Variants in PCLO observed in about 807,000 individuals in gnomAD.
PCLO encodes protein piccolo.
Under a neutral mutation model 427.5 loss-of-function variants are expected in PCLO, and 82 were observed. The ratio of observed to expected loss-of-function variants is 0.19; its 90% CI spans 0.16 to 0.23. The LOEUF is 0.23. Ranked by LOEUF, PCLO falls within the 10% of genes least tolerant of loss-of-function variation. PCLO has a pLI of 1.00. For synonymous variants in PCLO, 2,357 were observed against 2,155.4 expected (o/e 1.09, Z -2.59); for missense variants, 6,239 against 6,115.9 (o/e 1.02, Z -0.67).
chr7:83,102,364 A>G (rs2116491819), intron 3 of PCLO, among the ~76,000 whole-genome samples: 1 of 152,124 alleles, frequency 6.6e-6, no homozygotes, highest in Admixed American at 6.5e-5. Context: ...AACCCAATGC[A>G]GATTATATAA....
chr7:82,956,661 T>G lies in PCLO; in HGVS notation c.4292A>C (p.Lys1431Thr), dbSNP rs2115579055. 6.2e-7 allele frequency: 1 copy of G among 1,613,934 alleles called. No individual in the cohort carries two copies. The highest frequency in any genetic ancestry group is 2.2e-5 in the East Asian group (1 of 44,882). The change falls in exon 5 of 25, where the codon AAG becomes ACG. Residue 1431 changes from lysine (K) to threonine (T), a missense_variant. By Grantham distance (78) the Lys-to-Thr change is moderately conservative. Around this residue, in one of 5 missense-constraint regions of PCLO, gnomAD observed 4,677 missense variants for 4,468.4 expected, o/e 1.05. Transcript: ENST00000333891. ...ATGGGGTTGTGTTTTCTTTTCTGAC[T>G]TTTCATCAGCAAGTGTACTTGCTTG... ...EAQASTLADE[K>T]SEKKTQPHEV...
chr7:82,858,598 G>A (rs181570635), intron 10 of PCLO, among the ~76,000 whole-genome samples: 20 of 152,160 alleles, frequency 1.3e-4, no homozygotes, highest in African/African-American at 3.6e-4. Context: ...AACAAATTCA[G>A]TAAAGTTACA....
chr7:83,068,994 T>C (rs1334790289), intron 3 of PCLO, among the ~76,000 whole-genome samples: 1 of 152,204 alleles, frequency 6.6e-6, no homozygotes, highest in Non-Finnish European at 1.5e-5. Flanking sequence ...CTCACTTATA[T>C]GTGGAATTTA....
At chr7:82,931,467 T>C (rs1794838933) in intron 6 of PCLO, among the ~76,000 whole-genome samples, 2 of 152,132 alleles carry the variant, frequency 1.3e-5, no homozygotes, top group South Asian at 4.1e-4. Context: ...TGTGTCCTCT[T>C]GCTCATGGTT....
chr7:82,927,609 C>T (rs1041195065), intron 6 of PCLO, among the ~76,000 whole-genome samples: 5 of 152,074 alleles, frequency 3.3e-5, no homozygotes, highest in African/African-American at 7.2e-5. Flanking sequence ...TTTCAAGGAT[C>T]GGGTGAAAGC....
intron 3 of PCLO, among the ~76,000 whole-genome samples, chr7:83,079,564 G>A (rs1790042821): frequency 6.6e-6 from 1 of 151,980 alleles, no homozygotes; most frequent in Non-Finnish European, 1.5e-5. Flanking sequence ...ACTGGTTTCT[G>A]GAGGCCTCAT....
intron 3 of PCLO, among the ~76,000 whole-genome samples, chr7:83,002,942 T>C (rs1343889629): frequency 2.0e-5 from 3 of 151,690 alleles, no homozygotes; most frequent in Non-Finnish European, 2.9e-5. Context: ...AAATATTTTG[T>C]CTTATGTACT....
At chr7:83,111,507 G>C (rs997638752) in intron 3 of PCLO, among the ~76,000 whole-genome samples, 2 of 152,194 alleles carry the variant, frequency 1.3e-5, no homozygotes, top group Non-Finnish European at 2.9e-5. Flanking sequence ...TTTCATGACT[G>C]GCTTTGAAGG....
chr7:83,042,526 C>G (rs1450067067), intron 3 of PCLO, among the ~76,000 whole-genome samples: 1 of 151,882 alleles, frequency 6.6e-6, no homozygotes, highest in East Asian at 1.9e-4. Flanking sequence ...ACTTCATAAA[C>G]AAGGAAATTA....
intron 3 of PCLO, among the ~76,000 whole-genome samples, chr7:83,133,774 T>C (rs1164979036): frequency 1.3e-5 from 2 of 152,094 alleles, no homozygotes; most frequent in Admixed American, 6.5e-5. Flanking sequence ...GTAGATTTTA[T>C]GGTGTTTATG....
chr7:82,934,467 T>C (rs565693474), intron 6 of PCLO, among the ~76,000 whole-genome samples: 14 of 152,024 alleles, frequency 9.2e-5, no homozygotes, highest in African/African-American at 3.4e-4. Flanking sequence ...AGTGGTAATA[T>C]ATATCTTTAG....
rs138434794 is a variant in PCLO at position 82,799,097 on chromosome 7, C to G, written c.15007+2421G>C. On this transcript the variant is annotated intron_variant, in intron 22 of 24. Coordinates refer to ENST00000333891, the MANE Select transcript of PCLO (RefSeq NM_033026.6). ...ATTTCTGTTCATTGACAGCTGTTAACATTTATACTAAAACAATTTTATTTA... is the reference window on the plus strand; with the variant it reads ...ATTTCTGTTCATTGACAGCTGTTAAGATTTATACTAAAACAATTTTATTTA... Among the ~76,000 whole-genome samples, 964 of 152,230 alleles carry G rather than the reference C, an allele frequency of 6.3e-3. 8 individuals carry two copies. Among genetic ancestry groups the G allele is most frequent in the Non-Finnish European group, 6.3e-3 (428 of 68,010 alleles).
At chr7:82,807,631 T>C (rs967229854) in intron 20 of PCLO, among the ~76,000 whole-genome samples, 1 of 151,994 alleles carries the variant, frequency 6.6e-6, no homozygotes, top group Non-Finnish European at 1.5e-5. Context: ...ATTTCGTCGG[T>C]AGCAGGTTCT....
chr7:83,013,405 G>C (rs1562918719), intron 3 of PCLO, among the ~76,000 whole-genome samples: 1 of 152,090 alleles, frequency 6.6e-6, no homozygotes, highest in Non-Finnish European at 1.5e-5. Flanking sequence ...ATATATCTGA[G>C]TTTCTTCATT....
chr7:83,038,778 C>T (rs35042898), intron 3 of PCLO, among the ~76,000 whole-genome samples: 15 of 151,852 alleles, frequency 9.9e-5, no homozygotes, highest in Non-Finnish European at 2.2e-4. Context: ...GGTAACTCTA[C>T]GTTTAGTCAT....
rs979709814 is a variant in PCLO, at chr7:82,754,490, A to C, written c.*4085T>G. 6.6e-6 allele frequency: 1 copy of C among 151,512 alleles called. No individual in the cohort carries two copies. The highest frequency in any genetic ancestry group is 1.5e-5 in the Non-Finnish European group (1 of 67,960). The allele number at this position is 151,512 out of a possible 1,614,324, so 9.4% of individuals were successfully genotyped here. A position where few individuals can be genotyped will look rare whatever the true frequency, so the allele number is the denominator to read the frequency against. On this transcript the variant is annotated 3_prime_UTR_variant, in exon 25 of 25. Coordinates refer to ENST00000333891, the MANE Select transcript of PCLO (RefSeq NM_033026.6). The stretch of plus-strand genomic sequence containing the variant: ...AGCACCTGAGCACGTCACCAAACAA[A>C]TATACAGACACAATCAAACAATAAT...
At chr7:82,974,544 A>G (rs944692181) in intron 3 of PCLO, among the ~76,000 whole-genome samples, 3 of 152,200 alleles carry the variant, frequency 2.0e-5, no homozygotes. Flanking sequence ...TAGCGGAAAT[A>G]TAAGACTTAG....
chr7:82,958,982 G>T (rs1182414481), intron 4 of PCLO, among the ~76,000 whole-genome samples: 8 of 152,072 alleles, frequency 5.3e-5, no homozygotes, highest in Admixed American at 4.6e-4. Flanking sequence ...TGGGGGTGGG[G>T]TACTTAAGCT....
intron 3 of PCLO, among the ~76,000 whole-genome samples, chr7:82,987,039 C>T (rs189236336): frequency 1.3e-5 from 2 of 151,872 alleles, no homozygotes; most frequent in South Asian, 2.1e-4. Context: ...TATGCCATTT[C>T]GTCAGATTAA....
Sources: gnomAD v4.1 joint callset for allele counts (sites outside exome capture counted in the v4.1 genomes callset) on GRCh38, gnomAD v4.1.1 for gene constraint, gnomAD v4.1.1 regional missense constraint, MANE v1.5 for transcripts, NCBI Gene and HGNC (gene_info 2026-07-23, HGNC 2026-07-21) for gene names.